UBE2F: variants seen among roughly 807,000 people sequenced by gnomAD.
The protein encoded by UBE2F is NEDD8-conjugating enzyme UBE2F.
UBE2F carries 5 observed loss-of-function variants against 29.6 expected under a neutral mutation model. That is an observed-to-expected ratio of 0.17 (90% CI 0.09 to 0.36). The LOEUF is 0.36. Ranked by LOEUF, UBE2F falls within the 10% of genes least tolerant of loss-of-function variation. The probability of loss-of-function intolerance (pLI) is 1.00; values close to 1 mark genes in which losing one functional copy is unlikely to be tolerated. For missense variants in UBE2F, 141 were observed against 228.5 expected, an observed-to-expected ratio of 0.62 and a Z score of 2.47; for synonymous variants, 66 against 81.8, an observed-to-expected ratio of 0.81 and a Z score of 1.04.
In UBE2F at chr2:238,041,425, C is replaced by T; in HGVS notation, c.*87C>T. 1 of 1,403,104 alleles carries T rather than the reference C, an allele frequency of 7.1e-7. No homozygotes were observed. The highest frequency in any genetic ancestry group is 1.0e-6 in the Non-Finnish European group (1 of 994,318). The allele number at this position is 1,403,104 out of a possible 1,614,324, so 86.9% of individuals were successfully genotyped here. On this transcript the variant is annotated 3_prime_UTR_variant, in exon 10 of 10. Coordinates refer to ENST00000272930, the MANE Select transcript of UBE2F (RefSeq NM_080678.3). ...AAGAGGTAGCCCCCTCTCCCGTCCT[C>T]ATGCTCCCTCTCAGTCCCCTGGATT... is the stretch of plus-strand genomic sequence containing the variant.
intron 7 of UBE2F, 95 bp from the exon 8 acceptor site, chr2:238,032,127 T>C (rs1466786714): frequency 3.2e-6 from 3 of 936,304 alleles, no homozygotes; most frequent in African/African-American, 1.6e-5. Context: ...AAGACAGGTT[T>C]TGATACAGTG....
At chr2:238,003,340 T>G (rs1005355992) in intron 4 of UBE2F, 1 of 470,754 alleles carries the variant, frequency 2.1e-6, no homozygotes, top group African/African-American at 2.0e-5. Context: ...AGGAAAACAT[T>G]GACTGCTCTC....
chr2:237,985,545 C>T (rs996067671), intron 2 of UBE2F, among the ~76,000 whole-genome samples: 1 of 152,192 alleles, frequency 6.6e-6, no homozygotes, highest in Non-Finnish European at 1.5e-5. Context: ...TTTTTTAAGG[C>T]TGAACAATGT....
intron 2 of UBE2F, among the ~76,000 whole-genome samples, chr2:237,987,319 G>A (rs1323784537): frequency 2.0e-5 from 3 of 152,060 alleles, no homozygotes; most frequent in African/African-American, 7.2e-5. Context: ...CTGAAACTGG[G>A]ATAATTTTAT....
chr2:238,011,460 C>T (rs1205646777), intron 4 of UBE2F, among the ~76,000 whole-genome samples: 2 of 152,218 alleles, frequency 1.3e-5, no homozygotes, highest in African/African-American at 4.8e-5. Flanking sequence ...ATTTTCTCTC[C>T]CTTCCACTAG....
At chr2:237,974,154 C>T (rs1444058550) in intron 2 of UBE2F, among the ~76,000 whole-genome samples, 3 of 138,934 alleles carry the variant, frequency 2.2e-5, no homozygotes, top group East Asian at 2.0e-4. Flanking sequence ...CCACCACGCC[C>T]AGCTCATTTT....
intron 6 of UBE2F, among the ~76,000 whole-genome samples, chr2:238,030,266 A>T (rs760795112): frequency 6.6e-6 from 1 of 152,108 alleles, no homozygotes; most frequent in Non-Finnish European, 1.5e-5. Context: ...TAAATTGACA[A>T]ATGTTCTTTG....
At chr2:238,016,670 C>T (rs975979465) in intron 5 of UBE2F, 37 bp downstream of exon 5, 1 of 1,586,808 alleles carries the variant, frequency 6.3e-7, no homozygotes, top group South Asian at 1.2e-5. Context: ...TTTTACTTCT[C>T]GGGCGGGGCT....
intron 8 of UBE2F, among the ~76,000 whole-genome samples, chr2:238,034,849 G>A (rs1473518627): frequency 3.3e-5 from 5 of 151,984 alleles, no homozygotes; most frequent in African/African-American, 7.2e-5. Context: ...GCGTTGGAAA[G>A]CCATGACTCA....
At chr2:237,997,098 G>A (rs1020278020) in intron 4 of UBE2F, among the ~76,000 whole-genome samples, 24 of 152,014 alleles carry the variant, frequency 1.6e-4, no homozygotes, top group African/African-American at 5.3e-4. Context: ...GTGGTGGTGC[G>A]TGCCTGTAAT....
At chr2:238,030,655 G>A (rs770203349) in intron 7 of UBE2F, 42 bp downstream of exon 7, 2 of 1,524,888 alleles carry the variant, frequency 1.3e-6, no homozygotes, top group South Asian at 2.3e-5. Flanking sequence ...TTGTCCCTGT[G>A]GTCCTCTCCC....
At chr2:237,996,000 C>T (rs911319333) in intron 4 of UBE2F, among the ~76,000 whole-genome samples, 1 of 152,142 alleles carries the variant, frequency 6.6e-6, no homozygotes, top group Non-Finnish European at 1.5e-5. Context: ...GAGTGTTCCA[C>T]ATGCCTGACA....
At chr2:238,034,895 T>C (rs1157052733) in intron 8 of UBE2F, among the ~76,000 whole-genome samples, 3 of 148,896 alleles carry the variant, frequency 2.0e-5, no homozygotes, top group South Asian at 2.1e-4. Context: ...GATTTTTTCT[T>C]TTTTTTTTTG....
chr2:238,015,966 G>A (rs2064143433), intron 4 of UBE2F, among the ~76,000 whole-genome samples: 1 of 152,122 alleles, frequency 6.6e-6, no homozygotes, highest in Non-Finnish European at 1.5e-5. Context: ...ATGTGGTGAT[G>A]CTCAGACCCT....
rs2063404788 is a variant in UBE2F, at chr2:237,982,757, T to C, written c.119-5206T>C. Among the ~76,000 whole-genome samples, 1 of 152,264 alleles carries C rather than the reference T, an allele frequency of 6.6e-6. No homozygotes were observed. The highest frequency in any genetic ancestry group is 6.5e-5 in the Admixed American group (1 of 15,294). On this transcript the variant is annotated intron_variant, in intron 2 of 9. Transcript: ENST00000272930. This position sits in a 1 kb window ranked among gnomAD's most constrained non-coding sequence, Gnocchi z 4.1. ...AACCCTTATTTAAAAGTGATCATTA[T>C]GAACAACTCATTTGCTCTTCACCTG...
In UBE2F at chr2:237,967,723, C is replaced by T. The variant is rs536128875; in HGVS notation, c.-17+591C>T. On this transcript the variant is annotated intron_variant, in intron 1 of 9. Transcript: ENST00000272930. The surrounding 1 kb of genome is among the most constrained non-coding windows in gnomAD (Gnocchi z 6.3). Reference sequence around the variant, plus strand: ...ATGGACGCTTACCTACAACTGGGGGCGGCCAGGCTAGTTTGGAAAATTTTT... The same window carrying T: ...ATGGACGCTTACCTACAACTGGGGGTGGCCAGGCTAGTTTGGAAAATTTTT... Among the ~76,000 whole-genome samples the T allele has an allele frequency of 6.6e-6, 1 of 152,278 alleles. No homozygotes were observed. Among genetic ancestry groups the T allele is most frequent in the Non-Finnish European group, 1.5e-5 (1 of 68,026 alleles).
At chr2:237,994,432 T>C (rs751767338) in intron 3 of UBE2F, among the ~76,000 whole-genome samples, 4 of 152,204 alleles carry the variant, frequency 2.6e-5, no homozygotes, top group African/African-American at 2.4e-5. Context: ...TTTCTTCTTG[T>C]CAAAGTACAG....
At chr2:238,008,860 A>G (rs377710364) in intron 4 of UBE2F, among the ~76,000 whole-genome samples, 50 of 152,346 alleles carry the variant, frequency 3.3e-4, no homozygotes, top group African/African-American at 1.2e-3. Context: ...TTTTTAAAAT[A>G]TATGTCTCCA....
chr2:237,968,859 T>G (rs1389925904), intron 1 of UBE2F: 19 of 985,068 alleles, frequency 1.9e-5, no homozygotes, highest in Non-Finnish European at 2.2e-5. Context: ...AACCAGATCT[T>G]CAAGAGTTGA....
Sources: gnomAD v4.1 joint callset for allele counts (sites outside exome capture counted in the v4.1 genomes callset) on GRCh38, gnomAD v4.1.1 for gene constraint, Gnocchi (gnomAD v3.1) non-coding constraint, MANE v1.5 for transcripts, NCBI Gene and HGNC (gene_info 2026-07-23, HGNC 2026-07-21) for gene names.